The following XNDC1N variants were observed in gnomAD, a reference collection of about 807,000 sequenced individuals.
The protein encoded by XNDC1N is protein XNDC1N.
the XNDC1N span, among the ~76,000 whole-genome samples, chr11:71,909,268 A>G: frequency 6.6e-6 from 1 of 151,386 alleles, no homozygotes; most frequent in Admixed American, 6.6e-5. Flanking sequence ...GGCAAAGAGA[A>G]TGGAGGTCAG....
At chr11:71,884,576 T>A in the XNDC1N span, 1 of 1,590,146 alleles carries the variant, frequency 6.3e-7, no homozygotes, top group Non-Finnish European at 8.6e-7. Context: ...TCTAACTCCA[T>A]CTTCTTCAGA....
the XNDC1N span, chr11:71,914,311 T>C: frequency 2.2e-6 from 1 of 456,220 alleles, no homozygotes; most frequent in Middle Eastern, 3.3e-4. Flanking sequence ...TGAATGTGAA[T>C]TTGGAAGAAG....
At chr11:71,883,540 G>A in the XNDC1N span, among the ~76,000 whole-genome samples, 1 of 152,116 alleles carries the variant, frequency 6.6e-6, no homozygotes, top group Non-Finnish European at 1.5e-5. Context: ...ATATTCATAT[G>A]CAAAAGAATA....
the XNDC1N span, among the ~76,000 whole-genome samples, chr11:71,902,214 G>A: frequency 2.9e-4 from 44 of 152,156 alleles, no homozygotes; most frequent in Non-Finnish European, 5.7e-4. Context: ...TTTTTGAGAC[G>A]GAGTTTTGCT....
chr11:71,900,468 A>G, the XNDC1N span, among the ~76,000 whole-genome samples: 7 of 151,912 alleles, frequency 4.6e-5, no homozygotes, highest in African/African-American at 1.7e-4. Context: ...AGATGGGAGG[A>G]GACCAATGTG....
chr11:71,881,140 G>A, the XNDC1N span, among the ~76,000 whole-genome samples: 1 of 152,144 alleles, frequency 6.6e-6, no homozygotes, highest in South Asian at 2.1e-4. Flanking sequence ...TGATGTTGAG[G>A]TGTATCTCTC....
chr11:71,887,166 C>G, the XNDC1N span, among the ~76,000 whole-genome samples: 1 of 152,144 alleles, frequency 6.6e-6, no homozygotes, highest in Non-Finnish European at 1.5e-5. Flanking sequence ...TTGTAGATAG[C>G]GGTGCTGAAC....
the XNDC1N span, among the ~76,000 whole-genome samples, chr11:71,910,904 G>A: frequency 2.0e-5 from 3 of 152,232 alleles, no homozygotes; most frequent in Admixed American, 6.5e-5. Flanking sequence ...CCCAACAACA[G>A]CAAGGCTTTC....
the XNDC1N span, among the ~76,000 whole-genome samples, chr11:71,918,071 T>C: frequency 6.6e-6 from 1 of 152,188 alleles, no homozygotes; most frequent in African/African-American, 2.4e-5. Flanking sequence ...TCTGTCTCTC[T>C]TAATTCCTTG....
At chr11:71,912,199 C>T in the XNDC1N span, among the ~76,000 whole-genome samples, 54 of 152,302 alleles carry the variant, frequency 3.5e-4, no homozygotes, top group African/African-American at 1.2e-3. Flanking sequence ...CCGTTCCGCC[C>T]GGCATACGAG....
chr11:71,921,118 A>G, the XNDC1N span, among the ~76,000 whole-genome samples: 2 of 152,014 alleles, frequency 1.3e-5, no homozygotes, highest in East Asian at 1.9e-4. Context: ...CTGCCTCCTG[A>G]GTAGCTGGGA....
chr11:71,909,380 G>A, the XNDC1N span, among the ~76,000 whole-genome samples: 6 of 151,974 alleles, frequency 3.9e-5, no homozygotes, highest in Non-Finnish European at 1.5e-5. Context: ...CAGCTTGGCT[G>A]TCAGAGTTTG....
At chr11:71,896,362 G>A in the XNDC1N span, among the ~76,000 whole-genome samples, 1 of 152,172 alleles carries the variant, frequency 6.6e-6, no homozygotes, top group African/African-American at 2.4e-5. Context: ...GGTGAGATAG[G>A]GAATGAAGAA....
the XNDC1N span, among the ~76,000 whole-genome samples, chr11:71,899,710 G>A: frequency 2.0e-5 from 3 of 152,294 alleles, no homozygotes; most frequent in East Asian, 3.9e-4. Flanking sequence ...CCTTGAAAGC[G>A]GCATATTGTC....
chr11:71,921,703 G>GT, the XNDC1N span, among the ~76,000 whole-genome samples: 1 of 152,100 alleles, frequency 6.6e-6, no homozygotes, highest in Non-Finnish European at 1.5e-5. Context: ...ACGCGTGCAT[G>GT]TTTTTTTGAT....
chr11:71,904,345 G>A, the XNDC1N span, among the ~76,000 whole-genome samples: 1 of 151,946 alleles, frequency 6.6e-6, no homozygotes, highest in Non-Finnish European at 1.5e-5. Context: ...AATATCACAG[G>A]GTGTGCATAC....
chr11:71,865,908 C>A, the XNDC1N span: 2 of 429,662 alleles, frequency 4.7e-6, no homozygotes, highest in South Asian at 3.5e-5. Context: ...CTACACATTA[C>A]TAAAAGTTCT....
the XNDC1N span, among the ~76,000 whole-genome samples, chr11:71,908,813 G>C: frequency 6.6e-6 from 1 of 152,160 alleles, no homozygotes; most frequent in Non-Finnish European, 1.5e-5. Context: ...AGTGGCTAGA[G>C]GAACATGCAC....
the XNDC1N span, chr11:71,914,224 C>A: frequency 2.2e-6 from 1 of 451,830 alleles, no homozygotes; most frequent in African/African-American, 2.0e-5. Context: ...TAAATTAAAA[C>A]CTTCTGGAAA....
Sources: allele counts gnomAD v4.1 joint callset (sites outside exome capture counted in the v4.1 genomes callset), GRCh38; gene constraint gnomAD v4.1.1; transcripts MANE v1.5; gene names NCBI Gene and HGNC (gene_info 2026-07-23, HGNC 2026-07-21).